PRR16: variants seen among roughly 807,000 people sequenced by gnomAD.
PRR16 encodes the protein protein Largen.
PRR16 carries 6 observed loss-of-function variants against 18.2 expected under a neutral mutation model. That is an observed-to-expected ratio of 0.33 (90% CI 0.18 to 0.65). PRR16 has a LOEUF of 0.65. Ranked by LOEUF, PRR16 falls within the 30% of genes least tolerant of loss-of-function variation. The pLI is 0.74. For synonymous variants in PRR16, 151 were observed against 147.8 expected, an observed-to-expected ratio of 1.02 and a Z score of -0.16; for missense variants, 412 against 376.6, an observed-to-expected ratio of 1.09 and a Z score of -0.78.
At chr5:120,578,351 G>C (rs1272905802) in intron 1 of PRR16, among the ~76,000 whole-genome samples, 1 of 152,112 alleles carries the variant, frequency 6.6e-6, no homozygotes, top group Admixed American at 6.6e-5. Flanking sequence ...TGGGTGCCAT[G>C]GTTGTTTGCT....
chr5:120,518,550 A>G (rs1296447395), intron 1 of PRR16, among the ~76,000 whole-genome samples: 1 of 148,792 alleles, frequency 6.7e-6, no homozygotes, highest in African/African-American at 2.5e-5. Flanking sequence ...TTGAAAGGCT[A>G]TCCTCATTAA....
At chr5:120,756,387 G>T in the PRR16 span, among the ~76,000 whole-genome samples, 1 of 152,084 alleles carries the variant, frequency 6.6e-6, no homozygotes, top group African/African-American at 2.4e-5. Flanking sequence ...GCCTTCCAAA[G>T]TGGTTGAACA....
At chr5:120,598,488 T>C (rs1322278399) in intron 1 of PRR16, among the ~76,000 whole-genome samples, 1 of 151,846 alleles carries the variant, frequency 6.6e-6, no homozygotes, top group Non-Finnish European at 1.5e-5. Flanking sequence ...AGCTATATTG[T>C]GTGGTGCTGA....
chr5:120,507,802 A>C (rs947522368), intron 1 of PRR16, among the ~76,000 whole-genome samples: 1 of 152,102 alleles, frequency 6.6e-6, no homozygotes, highest in African/African-American at 2.4e-5. Context: ...TCTTTAAAAA[A>C]AATTACTGTC....
At chr5:120,658,937 TG>T (rs1298052543) in intron 1 of PRR16, among the ~76,000 whole-genome samples, 3 of 151,888 alleles carry the variant, frequency 2.0e-5, no homozygotes, top group Non-Finnish European at 2.9e-5. Flanking sequence ...CCCCAGTCCT[TG>T]CCAACTTCTT....
the PRR16 span, chr5:120,790,127 T>G: frequency 1.3e-5 from 2 of 151,882 alleles, no homozygotes; most frequent in Non-Finnish European, 2.9e-5. Context: ...GCTGATAGAG[T>G]CTGCATAAAA....
intron 1 of PRR16, among the ~76,000 whole-genome samples, chr5:120,593,691 G>T (rs960903167): frequency 1.3e-5 from 2 of 151,778 alleles, no homozygotes; most frequent in Non-Finnish European, 2.9e-5. Flanking sequence ...CCTGGTAGAG[G>T]CACAACGAAA....
chr5:120,787,453 C>A, the PRR16 span, among the ~76,000 whole-genome samples: 1 of 152,066 alleles, frequency 6.6e-6, no homozygotes, highest in Non-Finnish European at 1.5e-5. Context: ...AGAATCTAAT[C>A]AGGAGATATA....
chr5:120,464,392 C>A lies in PRR16; in HGVS notation c.-95C>A, dbSNP rs1749008061. 2.9e-6 allele frequency: 4 copies of A among 1,379,952 alleles called. No individual in the cohort carries two copies. The highest frequency in any genetic ancestry group is 3.8e-6 in the Non-Finnish European group (4 of 1,041,522). The allele number at this position is 1,379,952 out of a possible 1,614,324, so 85.5% of individuals were successfully genotyped here. A position where few individuals can be genotyped will look rare whatever the true frequency, so the allele number is the denominator to read the frequency against. ...GGGAGCGCCCAAGATGTGGGGGGACCGGGGCGGCAGCGGCCGTAGCAGCGC... is the reference window on the plus strand; with the variant it reads ...GGGAGCGCCCAAGATGTGGGGGGACAGGGGCGGCAGCGGCCGTAGCAGCGC... On this transcript the variant is annotated 5_prime_UTR_variant, in exon 1 of 2. Coordinates refer to ENST00000407149, the MANE Select transcript of PRR16 (RefSeq NM_001300783.2).
At chr5:120,474,836 G>A (rs1749389058) in intron 1 of PRR16, among the ~76,000 whole-genome samples, 1 of 152,176 alleles carries the variant, frequency 6.6e-6, no homozygotes. Flanking sequence ...AATGAAGGGA[G>A]CAGTTGAGGC....
intron 1 of PRR16, among the ~76,000 whole-genome samples, chr5:120,561,781 G>A (rs982705400): frequency 1.3e-5 from 2 of 152,176 alleles, no homozygotes; most frequent in East Asian, 3.9e-4. Context: ...CATGAGATCT[G>A]ATGCTTTGAT....
Position 120,669,504 on chromosome 5 carries a change from A to G in PRR16, c.160-16450A>G, listed in dbSNP as rs559142168. Among the ~76,000 whole-genome samples, 8 of 152,202 alleles carry G rather than the reference A, an allele frequency of 5.3e-5. No individual in the cohort carries two copies. The East Asian group carries it at 1.3e-3, about 26-fold the overall frequency. On this transcript the variant is annotated intron_variant, in intron 1 of 1. Coordinates refer to ENST00000407149, the MANE Select transcript of PRR16 (RefSeq NM_001300783.2). Reference sequence around the variant, plus strand: ...TTATTAGAATAGGTAGATATTACAAATTACTCAGAATATTTAGATATTATC... The same window carrying G: ...TTATTAGAATAGGTAGATATTACAAGTTACTCAGAATATTTAGATATTATC...
At chr5:120,648,442 G>A (rs898358495) in intron 1 of PRR16, among the ~76,000 whole-genome samples, 3 of 152,084 alleles carry the variant, frequency 2.0e-5, no homozygotes, top group African/African-American at 7.2e-5. Context: ...TCCACCACCA[G>A]TATGCTTCCC....
chr5:120,686,660 C>G lies in PRR16; in HGVS notation c.866C>G (p.Pro289Arg), dbSNP rs1294361443. Residue 289 changes from proline (P) to arginine (R), a missense_variant, in exon 2 of 2, where the codon CCA (proline) becomes CGA (arginine). By Grantham distance (103) the Pro-to-Arg change is moderately radical. Coordinates refer to ENST00000407149, the MANE Select transcript of PRR16 (RefSeq NM_001300783.2). The part of the protein sequence containing the change: ...RPATVPPPTA[P>R]KPQKTILRKS... Reference sequence around the variant, plus strand: ...GCAACTGTGCCTCCTCCCACTGCACCAAAACCACAGAAGACGATCTTGAGG... The same window carrying G: ...GCAACTGTGCCTCCTCCCACTGCACGAAAACCACAGAAGACGATCTTGAGG... 12 of 1,581,892 alleles carry G rather than the reference C, an allele frequency of 7.6e-6. No homozygotes were observed. Among genetic ancestry groups the G allele is most frequent in the Non-Finnish European group, 1.0e-5 (12 of 1,161,858 alleles).
chr5:120,579,817 A>C (rs1753208112), intron 1 of PRR16, among the ~76,000 whole-genome samples: 1 of 151,842 alleles, frequency 6.6e-6, no homozygotes, highest in Non-Finnish European at 1.5e-5. Context: ...TTGAATTTAC[A>C]AGGGCAGTAT....
At chr5:120,475,780 A>G (rs998032144) in intron 1 of PRR16, among the ~76,000 whole-genome samples, 4 of 152,134 alleles carry the variant, frequency 2.6e-5, no homozygotes, top group African/African-American at 9.7e-5. Context: ...TTTATTGCCT[A>G]CTATATGCAG....
At chr5:120,510,893 A>G (rs1344522455) in intron 1 of PRR16, among the ~76,000 whole-genome samples, 1 of 152,146 alleles carries the variant, frequency 6.6e-6, no homozygotes, top group Non-Finnish European at 1.5e-5. Context: ...CATCTGAGAA[A>G]TATGTGGCTT....
intron 1 of PRR16, among the ~76,000 whole-genome samples, chr5:120,653,078 G>T (rs114284239): frequency 1.3e-5 from 2 of 151,902 alleles, no homozygotes; most frequent in Non-Finnish European, 2.9e-5. Flanking sequence ...TAAAGTTCAA[G>T]GATAGGCAAA....
At chr5:120,685,775 C>T (rs141606005) in intron 1 of PRR16, among the ~76,000 whole-genome samples, 179 bp from the exon 2 acceptor site, 25 of 152,254 alleles carry the variant, frequency 1.6e-4, no homozygotes, top group East Asian at 1.5e-3. Context: ...AGTTGGTCCT[C>T]TGTGTGATGG....
Sources: allele counts gnomAD v4.1 joint callset (sites outside exome capture counted in the v4.1 genomes callset), GRCh38; gene constraint gnomAD v4.1.1; transcripts MANE v1.5; gene names NCBI Gene and HGNC (gene_info 2026-07-23, HGNC 2026-07-21).